Variants in BCAP29 observed in about 807,000 individuals in gnomAD.
BCAP29 encodes B cell receptor associated protein 29.
BCAP29 carries 34 observed loss-of-function variants against 31.8 expected under a neutral mutation model. That is an observed-to-expected ratio of 1.07 (90% CI 0.81 to 1.42). The LOEUF is 1.42. Among genes scored for constraint, BCAP29 ranks in the 40% most tolerant of loss-of-function variants. The pLI is 0.00. For synonymous variants in BCAP29, 104 were observed against 91.3 expected (o/e 1.14, Z -0.79); for missense variants, 314 against 269.2 (o/e 1.17, Z -1.16).
At position 107,612,388 on chromosome 7, in the gene BCAP29, G is replaced by GTT. The variant is rs1279316751; in HGVS notation, c.590-941_590-940dup. Among the ~76,000 whole-genome samples the GTT allele has an allele frequency of 3.5e-3, 238 of 67,594 alleles. 2 individuals are homozygous for GTT. The highest frequency in any genetic ancestry group is 0.014 in the African/African-American group (211 of 14,970). The allele number at this position is 67,594 out of a possible 152,430, so 44.3% of individuals were successfully genotyped here. ...ATTAGCACCTTCTTCACAATGTATT[G>GTT]TTTTATATATATATATATATATATA... is the stretch of plus-strand genomic sequence containing the variant. On this transcript the variant is annotated intron_variant, in intron 6 of 7. Coordinates refer to ENST00000005259, the MANE Select transcript of BCAP29 (RefSeq NM_018844.4).
chr7:107,598,973 A>G (rs989213070), intron 5 of BCAP29, among the ~76,000 whole-genome samples: 2 of 133,582 alleles, frequency 1.5e-5, no homozygotes, highest in Non-Finnish European at 3.1e-5. Context: ...ATAAATTTAT[A>G]TATCTATAAA....
chr7:107,618,670 C>A lies in BCAP29; in HGVS notation c.*307C>A. On this transcript the variant is annotated 3_prime_UTR_variant, in exon 8 of 8. Coordinates refer to ENST00000005259, the MANE Select transcript of BCAP29 (RefSeq NM_018844.4). ...GAAAAAATTCATTAACCGGTTGCTT[C>A]CAAAATTAGAAGTTTTAAGTTGCAT... 1 of 1,291,864 alleles carries A rather than the reference C, an allele frequency of 7.7e-7. No homozygotes were observed. Among genetic ancestry groups the A allele is most frequent in the South Asian group, 1.7e-5 (1 of 59,088 alleles). 80.0% of individuals were successfully genotyped at this position (1,291,864 alleles called of 1,614,324 possible). A position where few individuals can be genotyped will look rare whatever the true frequency, so the allele number is the denominator to read the frequency against.
At chr7:107,607,874 G>A (rs1259351832) in intron 6 of BCAP29, among the ~76,000 whole-genome samples, 1 of 151,988 alleles carries the variant, frequency 6.6e-6, no homozygotes, top group Admixed American at 6.6e-5. Flanking sequence ...TCCTGACCTG[G>A]TGGTCCGCCT....
intron 3 of BCAP29, among the ~76,000 whole-genome samples, chr7:107,590,647 G>A (rs866868895): frequency 3.3e-5 from 5 of 151,778 alleles, no homozygotes; most frequent in Admixed American, 6.6e-5. Flanking sequence ...GCTAAACCCC[G>A]TCTCTACCAG....
At chr7:107,613,517 TA>T (rs1171416574) in intron 7 of BCAP29, 85 bp downstream of exon 7, 1 of 1,324,802 alleles carries the variant, frequency 7.5e-7, no homozygotes, top group East Asian at 2.4e-5. Context: ...TGTCCTTAAC[TA>T]ATCAAGATGA....
chr7:107,584,085 A>G, intron 3 of BCAP29, 103 bp downstream of exon 3: 1 of 596,800 alleles, frequency 1.7e-6, no homozygotes, highest in Non-Finnish European at 2.8e-6. Flanking sequence ...TTGACTTTAT[A>G]TAGTATATTG....
chr7:107,611,049 G>A (rs899307702), intron 6 of BCAP29, among the ~76,000 whole-genome samples: 1 of 152,040 alleles, frequency 6.6e-6, no homozygotes, highest in Non-Finnish European at 1.5e-5. Flanking sequence ...TTCGTGATTC[G>A]TAGATGGTAC....
chr7:107,586,728 C>CT lies in BCAP29; in HGVS notation c.193+2763dup, dbSNP rs763602838. On this transcript the variant is annotated intron_variant, in intron 3 of 7. Coordinates refer to ENST00000005259, the MANE Select transcript of BCAP29 (RefSeq NM_018844.4). ...CATTTTCTTTTTATATGTATTTATTCTTTTTTTTTTTTTTTTTGTGACGGG... is the reference window on the plus strand; with the variant it reads ...CATTTTCTTTTTATATGTATTTATTCTTTTTTTTTTTTTTTTTTGTGACGGG... 7.2e-3 allele frequency among the ~76,000 whole-genome samples: 952 copies of CT among 131,566 alleles called. 7 individuals are homozygous for CT. The highest frequency in any genetic ancestry group is 0.018 in the African/African-American group (654 of 35,494). The allele number at this position is 131,566 out of a possible 152,430, so 86.3% of individuals were successfully genotyped here.
At chr7:107,621,699 A>G (rs1254066013), downstream of BCAP29, 10 of 472,008 alleles carry the variant, frequency 2.1e-5, no homozygotes, top group African/African-American at 2.0e-4. Flanking sequence ...GATTGGAGTG[A>G]TGGAGCCGCA....
chr7:107,606,056 C>A (rs1460292364), intron 6 of BCAP29, among the ~76,000 whole-genome samples: 1 of 152,140 alleles, frequency 6.6e-6, no homozygotes, highest in Non-Finnish European at 1.5e-5. Context: ...AAACCTCTTC[C>A]AAATACCCAG....
intron 5 of BCAP29, 39 bp from the exon 6 acceptor site, chr7:107,600,358 A>G (rs771120068): frequency 5.6e-6 from 7 of 1,260,210 alleles, no homozygotes; most frequent in Non-Finnish European, 8.1e-6. Flanking sequence ...GGCTATTGCA[A>G]TCTAAGCTTA....
Position 107,595,866 on chromosome 7 carries a change from G to T in BCAP29, c.345-1G>T. ...TACATTATTCTGGTTTTTTTTCTTAGAGTTTTGAGACGTCTGGTTACGCTT... is the reference window on the plus strand; with the variant it reads ...TACATTATTCTGGTTTTTTTTCTTATAGTTTTGAGACGTCTGGTTACGCTT... On this transcript the variant is annotated splice_acceptor_variant, in intron 4 of 7. Transcript: ENST00000005259. LOFTEE classifies it high-confidence loss of function. 6.3e-7 allele frequency: 1 copy of T among 1,590,464 alleles called. No individual in the cohort carries two copies. Among genetic ancestry groups the T allele is most frequent in the South Asian group, 1.2e-5 (1 of 85,534 alleles).
downstream of BCAP29, chr7:107,622,129 C>CA: frequency 2.5e-6 from 1 of 396,146 alleles, no homozygotes; most frequent in East Asian, 5.9e-5. Context: ...CCATCATCAT[C>CA]TCTCACATGG....
intron 6 of BCAP29, among the ~76,000 whole-genome samples, chr7:107,611,177 C>G (rs1411312967): frequency 1.3e-5 from 2 of 152,162 alleles, no homozygotes; most frequent in East Asian, 3.8e-4. Flanking sequence ...CACTCCCCAG[C>G]CACGCCTCCC....
chr7:107,622,985 C>T (rs1206282545), downstream of BCAP29: 1 of 152,072 alleles, frequency 6.6e-6, no homozygotes, highest in Non-Finnish European at 1.5e-5. Context: ...TAACATTTTC[C>T]ATCTCCTTGT....
At chr7:107,612,413 A>ATT (rs1813330687) in intron 6 of BCAP29, among the ~76,000 whole-genome samples, 1 of 40,986 alleles carries the variant, frequency 2.4e-5, no homozygotes, top group African/African-American at 5.6e-5. Flanking sequence ...ATATATATAT[A>ATT]TATATATATA....
chr7:107,615,328 G>T (rs1028588504), intron 7 of BCAP29: 1 of 456,564 alleles, frequency 2.2e-6, no homozygotes, highest in African/African-American at 2.0e-5. Flanking sequence ...GCTGAGCGTG[G>T]TGGCTCACAC....
chr7:107,595,098 A>G (rs560765901), intron 4 of BCAP29, among the ~76,000 whole-genome samples: 2 of 152,172 alleles, frequency 1.3e-5, no homozygotes, highest in South Asian at 4.2e-4. Context: ...TTTTGCCAGA[A>G]CACTCTTTTC....
intron 7 of BCAP29, chr7:107,615,490 G>C: frequency 2.9e-6 from 1 of 344,454 alleles, no homozygotes; most frequent in East Asian, 7.4e-5. Context: ...CAGCTACTCG[G>C]GAGGCTGAGG....
Sources: allele counts gnomAD v4.1 joint callset (sites outside exome capture counted in the v4.1 genomes callset), GRCh38; gene constraint gnomAD v4.1.1; transcripts MANE v1.5; gene names NCBI Gene and HGNC (gene_info 2026-07-23, HGNC 2026-07-21).